The following SPTA1 variants were observed in gnomAD, a reference collection of about 807,000 sequenced individuals.
SPTA1 encodes the protein spectrin alpha chain, erythrocytic 1.
In SPTA1, 177 loss-of-function variants were observed where a neutral mutation model predicts 324.7. That is an observed-to-expected ratio of 0.55 (90% CI 0.48 to 0.62). SPTA1 has a LOEUF of 0.62. Ranked by LOEUF, SPTA1 falls within the 20% of genes least tolerant of loss-of-function variation. SPTA1 has a pLI of 0.00. For missense variants in SPTA1, 3,162 were observed against 2,883.6 expected (o/e 1.10, Z -2.21); for synonymous variants, 1,195 against 1,041.3 (o/e 1.15, Z -2.84).
chr1:158,683,632 C>A, intron 2 of SPTA1, 136 bp from the exon 3 acceptor site: 1 of 1,152,552 alleles, frequency 8.7e-7, no homozygotes, highest in Non-Finnish European at 1.3e-6. Flanking sequence ...TTTCCTGTCC[C>A]CACTGGCTTT....
In SPTA1 at chr1:158,639,639, T is replaced by C; in HGVS notation, c.4923A>G (p.Ser1641=). Residue 1641 remains serine, a synonymous_variant, in exon 35 of 52, where the codon TCA becomes TCG. Coordinates refer to ENST00000643759, the MANE Select transcript of SPTA1 (RefSeq NM_003126.4). ...AMKDQARDLA[S]AGNLLKKHQL... is the part of the protein sequence containing the mutation. Reference sequence around the variant, plus strand: ...GATGCTTCTTGAGTAGGTTTCCTGCTGAAGCCAAGTCCCTGGCCTGATCTT... The same window carrying C: ...GATGCTTCTTGAGTAGGTTTCCTGCCGAAGCCAAGTCCCTGGCCTGATCTT... The C allele has an allele frequency of 6.2e-7, 1 of 1,613,930 alleles. No individual in the cohort carries two copies. The highest frequency in any genetic ancestry group is 8.5e-7 in the Non-Finnish European group (1 of 1,179,888).
At chr1:158,674,727 A>C (rs1186933443) in intron 8 of SPTA1, 52 bp from the exon 9 acceptor site, 2 of 1,607,220 alleles carry the variant, frequency 1.2e-6, no homozygotes, top group African/African-American at 2.7e-5. Context: ...ATATGAAAGG[A>C]CATTGAACAA....
rs1282033028 is a variant in SPTA1 at position 158,676,251 on chromosome 1, A to T, written c.1002T>A (p.His334Gln). 7 of 1,613,740 alleles carry T rather than the reference A, an allele frequency of 4.3e-6. No individual in the cohort carries two copies. Among genetic ancestry groups the T allele is most frequent in the Non-Finnish European group, 5.9e-6 (7 of 1,179,780 alleles). ...CAKAEKLTLS[H>Q]PSDAPQIQEM... ...CCTGGATCTGAGGTGCATCTGAAGGATGGGAAAGTGTCAGCTTCTCTGCTT... is the reference window on the plus strand; with the variant it reads ...CCTGGATCTGAGGTGCATCTGAAGGTTGGGAAAGTGTCAGCTTCTCTGCTT... The change falls in exon 8 of 52, where the codon CAT (histidine) becomes CAA (glutamine). Residue 334 changes from histidine (H) to glutamine (Q), a missense_variant. Physicochemically the swap from His to Gln is conservative, Grantham distance 24. Coordinates refer to ENST00000643759, the MANE Select transcript of SPTA1 (RefSeq NM_003126.4).
chr1:158,626,204 A>C lies in SPTA1; in HGVS notation c.5852T>G (p.Leu1951Arg), dbSNP rs769869467. The change falls in exon 42 of 52, where the codon CTA becomes CGA. Residue 1951 changes from leucine to arginine, a missense_variant. Transcript: ENST00000643759. Reference protein sequence around the residue: ...EAWIADKETSLKTNGNGADLG... With the variant: ...EAWIADKETSRKTNGNGADLG... ...GTCTGCACCATTGCCATTGGTCTTT[A>C]GGCTTGTTTCCTTATCAGCTAAAAG... 13 of 1,613,556 alleles carry C rather than the reference A, an allele frequency of 8.1e-6. No homozygotes were observed. In the East Asian group the frequency reaches 2.7e-4, roughly 33 times the overall value.
At chr1:158,665,579 GA>G (rs771155277) in intron 16 of SPTA1, among the ~76,000 whole-genome samples, 4 of 152,066 alleles carry the variant, frequency 2.6e-5, no homozygotes, top group Non-Finnish European at 5.9e-5. Flanking sequence ...CACAACCTAG[GA>G]ACTTTTGGAA....
At chr1:158,645,058 AT>A in intron 29 of SPTA1, 129 bp downstream of exon 29, 1 of 946,954 alleles carries the variant, frequency 1.1e-6, no homozygotes. Flanking sequence ...ATGCTAGGTA[AT>A]TAAGAGATGA....
intron 25 of SPTA1, among the ~76,000 whole-genome samples, chr1:158,649,424 C>T (rs1240939842): frequency 1.3e-5 from 2 of 152,120 alleles, no homozygotes; most frequent in South Asian, 2.1e-4. Context: ...GGACCATAGG[C>T]CTGTGCCACC....
Position 158,653,284 on chromosome 1 carries a change from T to A in SPTA1, c.3178A>T (p.Ile1060Phe). The part of the protein sequence containing the change: ...PGNITQRQEQ[I>F]ENQYRSLLDR... ...GGCTCCAGAACTTACTGGTTCTCAA[T>A]CTGCTCCTGGCGCTGGGTGATGTTT... is the stretch of plus-strand genomic sequence containing the variant. The change falls in exon 22 of 52, where the codon ATT (isoleucine) becomes TTT (phenylalanine). Residue 1060 changes from isoleucine (I) to phenylalanine (F), a missense_variant. Ile to Phe is a conservative substitution (Grantham distance 21). Transcript: ENST00000643759. 6.2e-7 allele frequency: 1 copy of A among 1,614,132 alleles called. No homozygotes were observed. Among genetic ancestry groups the A allele is most frequent in the Non-Finnish European group, 8.5e-7 (1 of 1,180,018 alleles).
At chr1:158,663,012 A>G (rs1653352038) in intron 16 of SPTA1, 67 bp from the exon 17 acceptor site, 1 of 1,606,006 alleles carries the variant, frequency 6.2e-7, no homozygotes, top group Admixed American at 1.7e-5. Context: ...GGAGTTTGTC[A>G]TGGTGGAAAC....
intron 38 of SPTA1, 118 bp from the exon 39 acceptor site, chr1:158,634,793 G>T: frequency 2.5e-6 from 3 of 1,192,096 alleles, no homozygotes; most frequent in Non-Finnish European, 1.2e-6. Context: ...GGCAGCCACA[G>T]TTGAAGTGGG....
At chr1:158,661,545 A>G in intron 17 of SPTA1, 136 bp from the exon 18 acceptor site, 1 of 1,142,260 alleles carries the variant, frequency 8.8e-7, no homozygotes, top group Non-Finnish European at 1.3e-6. Flanking sequence ...CTTTAAATTT[A>G]TATCATCTGT....
intron 23 of SPTA1, among the ~76,000 whole-genome samples, 185 bp from the exon 24 acceptor site, chr1:158,651,653 G>A (rs1290699073): frequency 6.6e-6 from 1 of 152,068 alleles, no homozygotes; most frequent in Non-Finnish European, 1.5e-5. Context: ...CCTAGTGGCT[G>A]TCCAAAACTT....
intron 47 of SPTA1, among the ~76,000 whole-genome samples, chr1:158,615,873 A>G (rs779287490): frequency 3.3e-5 from 5 of 152,322 alleles, no homozygotes; most frequent in Non-Finnish European, 7.4e-5. Context: ...TAAGCTCCAC[A>G]GTGTTCACTC....
chr1:158,667,493 T>A (rs1383703938), intron 15 of SPTA1, among the ~76,000 whole-genome samples: 1 of 152,164 alleles, frequency 6.6e-6, no homozygotes, highest in East Asian at 1.9e-4. Context: ...TAATATCTTG[T>A]CTAGCTTATA....
chr1:158,647,799 T>G, intron 26 of SPTA1, 79 bp from the exon 27 acceptor site: 1 of 1,472,822 alleles, frequency 6.8e-7, no homozygotes, highest in Non-Finnish European at 9.4e-7. Context: ...TGAGTCCCAG[T>G]ATTCAGCTCC....
intron 2 of SPTA1, 93 bp from the exon 3 acceptor site, chr1:158,683,589 A>C: frequency 6.5e-7 from 1 of 1,545,696 alleles, no homozygotes; most frequent in Non-Finnish European, 8.9e-7. Flanking sequence ...CAGGTTCTCA[A>C]AGGGTCCCAG....
chr1:158,625,323 AT>A (rs1650199681), intron 42 of SPTA1, among the ~76,000 whole-genome samples: 1 of 152,208 alleles, frequency 6.6e-6, no homozygotes, highest in Non-Finnish European at 1.5e-5. Context: ...GTCTGTCAAG[AT>A]GATTTCACAA....
chr1:158,636,159 T>C, intron 37 of SPTA1, 125 bp from the exon 38 acceptor site: 1 of 1,525,784 alleles, frequency 6.6e-7, no homozygotes, highest in South Asian at 1.1e-5. Context: ...CGGGACTTTG[T>C]GAGGGTCCTG....
rs73016276 is a variant in SPTA1 at position 158,611,464 on chromosome 1, C to T, written c.7135-75G>A. The stretch of plus-strand genomic sequence containing the variant: ...TGGTTCCTTGGGGCTTCCCATATTA[C>T]GCCATAAATGCAGGAGATGGAGAGT... On this transcript the variant is annotated intron_variant, in intron 51 of 51. Coordinates refer to ENST00000643759, the MANE Select transcript of SPTA1 (RefSeq NM_003126.4). The T allele has an allele frequency of 4.4e-4, 698 of 1,569,808 alleles. 6 individuals are homozygous for T. In the African/African-American group the frequency reaches 7.5e-3, roughly 17 times the overall value.
Sources: gnomAD v4.1 joint callset for allele counts (sites outside exome capture counted in the v4.1 genomes callset) on GRCh38, gnomAD v4.1.1 for gene constraint, MANE v1.5 for transcripts, NCBI Gene and HGNC (gene_info 2026-07-23, HGNC 2026-07-21) for gene names.